Variants in CWF19L2 observed in about 807,000 individuals in gnomAD.
The protein encoded by CWF19L2 is CWF19 like cell cycle control factor 2.
In CWF19L2, 98 loss-of-function variants were observed where a neutral mutation model predicts 111.7. The ratio of observed to expected loss-of-function variants is 0.88; its 90% confidence interval spans 0.75 to 1.04. The LOEUF is 1.04. Among genes scored for constraint, CWF19L2 ranks in the 50% least tolerant of loss-of-function variants. The pLI, the probability that CWF19L2 is intolerant of heterozygous loss-of-function variation, is 0.00. For missense variants in CWF19L2, 1,101 were observed against 1,051.4 expected (o/e 1.05, Z -0.65); for synonymous variants, 351 against 342.9 (o/e 1.02, Z -0.26).
rs185313843 is a variant in CWF19L2 at position 107,442,735 on chromosome 11, A to G, written c.450+204T>C. Among the ~76,000 whole-genome samples, 487 of 73,108 alleles carry G rather than the reference A, an allele frequency of 6.7e-3. 12 individuals are homozygous for G. Among genetic ancestry groups the G allele is most frequent in the East Asian group, 0.03 (58 of 1,938 alleles). The allele number at this position is 73,108 out of a possible 152,430, so 48.0% of individuals were successfully genotyped here. ...GAGAGAGAGAGAAAGAGAAAGAAAG[A>G]AAGGAAGGAAGGAAGGAAGGAAGGA... On this transcript the variant is annotated intron_variant, in intron 4 of 17. Transcript: ENST00000282251.
Position 107,346,570 on chromosome 11 carries a change from C to T in CWF19L2, c.2202+2367G>A, listed in dbSNP as rs149549083. On this transcript the variant is annotated intron_variant, in intron 14 of 17. Coordinates refer to ENST00000282251, the MANE Select transcript of CWF19L2 (RefSeq NM_152434.3). ...GTTGGCAGCACCAAGTACTTATGGA[C>T]GTGGAGGTGAAGGTGTGGCTAAAAA... is the stretch of plus-strand genomic sequence containing the variant. Among the ~76,000 whole-genome samples, 529 of 152,188 alleles carry T rather than the reference C, an allele frequency of 3.5e-3. 4 individuals are homozygous for T. Among genetic ancestry groups the T allele is most frequent in the African/African-American group, 0.012 (487 of 41,532 alleles).
chr11:107,421,528 G>A (rs1371918808), intron 8 of CWF19L2, among the ~76,000 whole-genome samples: 1 of 151,960 alleles, frequency 6.6e-6, no homozygotes, highest in African/African-American at 2.4e-5. Context: ...CTAGTAGAGA[G>A]GTAACAGCAC....
intron 12 of CWF19L2, among the ~76,000 whole-genome samples, chr11:107,361,507 T>C (rs138964157): frequency 6.6e-6 from 1 of 152,338 alleles, no homozygotes; most frequent in African/African-American, 2.4e-5. Context: ...TCTAATTCTG[T>C]GAAAAATGCT....
intron 10 of CWF19L2, 34 bp downstream of exon 10, chr11:107,416,175 A>T: frequency 1.5e-6 from 1 of 670,248 alleles, no homozygotes; most frequent in Non-Finnish European, 2.3e-6. Flanking sequence ...AGTTTACACA[A>T]GGTAATTACA....
intron 8 of CWF19L2, among the ~76,000 whole-genome samples, chr11:107,427,434 T>C (rs1228812065): frequency 6.6e-6 from 1 of 152,102 alleles, no homozygotes; most frequent in Non-Finnish European, 1.5e-5. Context: ...ATTATATACA[T>C]ACACAGCTTT....
At chr11:107,446,776 G>T (rs1282683423) in intron 3 of CWF19L2, among the ~76,000 whole-genome samples, 1 of 149,306 alleles carries the variant, frequency 6.7e-6, no homozygotes, top group Non-Finnish European at 1.5e-5. Context: ...AAACTTTTAA[G>T]CAGCAACCTA....
chr11:107,362,238 G>A (rs1287039116), intron 12 of CWF19L2, among the ~76,000 whole-genome samples: 1 of 152,142 alleles, frequency 6.6e-6, no homozygotes, highest in Non-Finnish European at 1.5e-5. Context: ...CGGCAGCGAG[G>A]CAGGGGGAAG....
At chr11:107,328,366 T>A (rs550512333) in intron 17 of CWF19L2, among the ~76,000 whole-genome samples, 1 of 152,292 alleles carries the variant, frequency 6.6e-6, no homozygotes, top group East Asian at 1.9e-4. Flanking sequence ...AAATTGTCTA[T>A]AAAATACCAA....
intron 12 of CWF19L2, among the ~76,000 whole-genome samples, chr11:107,367,594 G>A (rs1860448606): frequency 8.1e-6 from 1 of 123,970 alleles, no homozygotes; most frequent in African/African-American, 3.4e-5. Flanking sequence ...ACCAAACACC[G>A]CATATTCTCA....
intron 12 of CWF19L2, among the ~76,000 whole-genome samples, chr11:107,369,948 G>T (rs1860484589): frequency 1.5e-5 from 2 of 137,700 alleles, no homozygotes; most frequent in African/African-American, 5.8e-5. Flanking sequence ...TCACTCTGTA[G>T]CCCAGGCTGG....
chr11:107,454,796 A>C (rs1281798419), intron 2 of CWF19L2, among the ~76,000 whole-genome samples: 1 of 152,206 alleles, frequency 6.6e-6, no homozygotes, highest in East Asian at 1.9e-4. Flanking sequence ...TTCTTACCAG[A>C]AAAATACTGG....
chr11:107,337,603 T>C (rs1859947004), intron 14 of CWF19L2, among the ~76,000 whole-genome samples: 1 of 152,114 alleles, frequency 6.6e-6, no homozygotes, highest in South Asian at 2.1e-4. Context: ...CATGTCTTAC[T>C]GTGAACCCCT....
At chr11:107,385,079 C>T (rs1484094680) in intron 12 of CWF19L2, among the ~76,000 whole-genome samples, 1 of 152,116 alleles carries the variant, frequency 6.6e-6, no homozygotes, top group Non-Finnish European at 1.5e-5. Flanking sequence ...GCCAACACTT[C>T]AAATACTTTC....
intron 4 of CWF19L2, among the ~76,000 whole-genome samples, chr11:107,441,900 CACA>C (rs1231657658): frequency 1.3e-5 from 2 of 152,206 alleles, no homozygotes; most frequent in African/African-American, 2.4e-5. Context: ...AAGCCTGGCA[CACA>C]ACAAGCAATC....
At chr11:107,403,605 T>C (rs622862) in intron 10 of CWF19L2, 560,012 of 782,940 alleles carry the variant, frequency 0.72, 204,688 homozygotes, top group Non-Finnish European at 0.78. Context: ...AGGTGTGTCT[T>C]CTCTGTCTCC....
At chr11:107,402,871 G>GTATACATA (rs767099135) in intron 10 of CWF19L2, among the ~76,000 whole-genome samples, 1 of 57,120 alleles carries the variant, frequency 1.8e-5, no homozygotes, top group Non-Finnish European at 3.0e-5. Context: ...AAACTGTGGT[G>GTATACATA]TGTATATATA....
rs147395229 is a variant in CWF19L2 at position 107,448,965 on chromosome 11, T to C, written c.339+5485A>G. 4.5e-3 allele frequency among the ~76,000 whole-genome samples: 674 copies of C among 151,290 alleles called. 2 individuals carry two copies. Among genetic ancestry groups the C allele is most frequent in the African/African-American group, 0.013 (525 of 41,192 alleles). On this transcript the variant is annotated intron_variant, in intron 3 of 17. Transcript: ENST00000282251. ...AGTAGAATAAACACAAAGAAATCAA[T>C]ACCAAGACATATCACAATTGATTCA... is the stretch of plus-strand genomic sequence containing the variant.
rs79022384 is a variant in CWF19L2, at chr11:107,387,798, A to T, written c.1872+2276T>A. ...TCTGACAGAAGGTGGAGATCAGACA[A>T]TAATGCCGACTGGCCCGCTCCGCTC... is the stretch of plus-strand genomic sequence containing the variant. On this transcript the variant is annotated intron_variant, in intron 12 of 17. Coordinates refer to ENST00000282251, the MANE Select transcript of CWF19L2 (RefSeq NM_152434.3). Among the ~76,000 whole-genome samples, 48 of 152,274 alleles carry T rather than the reference A, an allele frequency of 3.2e-4. No homozygotes were observed. The East Asian group carries it at 8.9e-3, about 28-fold the overall frequency.
rs557328519 is a variant in CWF19L2 at position 107,335,887 on chromosome 11, T to C, written c.2358+671A>G. ...AGTTGCTTGGCTTGACACTGTAATA[T>C]AGCACATTCAATATAAAAGCATCTT... is the stretch of plus-strand genomic sequence containing the variant. On this transcript the variant is annotated intron_variant, in intron 15 of 17. Transcript: ENST00000282251. Among the ~76,000 whole-genome samples, 54 of 152,262 alleles carry C rather than the reference T, an allele frequency of 3.5e-4. 1 individual carries two copies. The highest frequency in any genetic ancestry group is 8.7e-4 in the African/African-American group (36 of 41,564).
Sources: gnomAD v4.1 joint callset for allele counts (sites outside exome capture counted in the v4.1 genomes callset) on GRCh38, gnomAD v4.1.1 for gene constraint, MANE v1.5 for transcripts, NCBI Gene and HGNC (gene_info 2026-07-23, HGNC 2026-07-21) for gene names.